Variants in SLC25A51 observed in about 807,000 individuals in gnomAD.
SLC25A51 encodes the protein solute carrier family 25 member 51, also known as mitochondrial nicotinamide adenine dinucleotide transporter SLC25A51.
In SLC25A51, 11 loss-of-function variants were observed where a neutral mutation model predicts 19.1. The observed-to-expected ratio is 0.58, with a 90% CI of 0.36 to 0.96. The LOEUF (loss-of-function observed/expected upper bound fraction) is 0.96. SLC25A51 is among the 40% of genes least tolerant of loss of function. SLC25A51 has a pLI of 0.01. For missense variants in SLC25A51, 201 were observed against 365.4 expected (o/e 0.55, Z 3.67); for synonymous variants, 105 against 133.6 (o/e 0.79, Z 1.47).
chr9:37,890,258 C>T (rs1831553317), intron 2 of SLC25A51, among the ~76,000 whole-genome samples: 1 of 152,066 alleles, frequency 6.6e-6, no homozygotes, highest in South Asian at 2.1e-4. Context: ...GTAGCACATG[C>T]CTGTAGCCCC....
At chr9:37,896,027 T>C (rs1358820459) in intron 2 of SLC25A51, among the ~76,000 whole-genome samples, 1 of 152,176 alleles carries the variant, frequency 6.6e-6, no homozygotes, top group Non-Finnish European at 1.5e-5. Context: ...TTGGCCAGGC[T>C]GGTCTCAAAC....
chr9:37,883,124 C>T (rs1486618069), downstream of SLC25A51, among the ~76,000 whole-genome samples: 1 of 152,226 alleles, frequency 6.6e-6, no homozygotes, highest in East Asian at 1.9e-4. Context: ...GGATTACAGG[C>T]GTGAGCCACC....
At chr9:37,882,850 ATT>A (rs796401584), downstream of SLC25A51, among the ~76,000 whole-genome samples, 1 of 148,872 alleles carries the variant, frequency 6.7e-6, no homozygotes, top group African/African-American at 2.5e-5. Context: ...TGCCTTTTCA[ATT>A]TTTTTTTTTG....
rs1173095636 is a variant in SLC25A51 at position 37,887,728 on chromosome 9, T to C, written c.823A>G (p.Asn275Asp). ...LINLFRGAHL[N>D]YHRSLISWGI... ...CAAGAGATGAGGGACCGATGGTAAT[T>C]CAGATGGGCACCTCTGAAAAGATTT... is the stretch of plus-strand genomic sequence containing the variant. The change falls in exon 3 of 3, where the codon AAT becomes GAT. Residue 275 changes from asparagine to aspartate, a missense_variant. By Grantham distance (23) the Asn-to-Asp change is conservative. Transcript: ENST00000242275. 1 of 1,613,902 alleles carries C rather than the reference T, an allele frequency of 6.2e-7. No individual in the cohort carries two copies. Among genetic ancestry groups the C allele is most frequent in the South Asian group, 1.1e-5 (1 of 91,070 alleles).
chr9:37,903,111 G>C (rs1831891420), intron 1 of SLC25A51, among the ~76,000 whole-genome samples: 1 of 152,160 alleles, frequency 6.6e-6, no homozygotes, highest in Non-Finnish European at 1.5e-5. Flanking sequence ...CCCCTGAGAT[G>C]CGCTAAGGGT....
At chr9:37,896,533 C>T (rs552873074) in intron 2 of SLC25A51, among the ~76,000 whole-genome samples, 32 of 152,274 alleles carry the variant, frequency 2.1e-4, no homozygotes, top group South Asian at 6.2e-4. Flanking sequence ...CAGTGGCTCA[C>T]GCCGGTAGTC....
intron 2 of SLC25A51, chr9:37,881,637 A>T (rs746659978): frequency 2.0e-5 from 3 of 150,558 alleles, no homozygotes; most frequent in African/African-American, 5.0e-5. Flanking sequence ...AAACCCTGTC[A>T]AACAAACAAA....
At chr9:37,877,733 C>A (rs1831279761), downstream of SLC25A51, among the ~76,000 whole-genome samples, 1 of 152,114 alleles carries the variant, frequency 6.6e-6, no homozygotes, top group African/African-American at 2.4e-5. Context: ...CAGGGCCAGG[C>A]ATGGTGGCTC....
chr9:37,892,534 T>C (rs79556406), intron 2 of SLC25A51, among the ~76,000 whole-genome samples: 1,692 of 151,958 alleles, frequency 0.011, 39 homozygotes, highest in African/African-American at 0.039. Context: ...ACATTATATA[T>C]ATACAATATA....
rs540809711 is a variant in SLC25A51, at chr9:37,893,783, G to T, written c.-42-5191C>A. Among the ~76,000 whole-genome samples, 6 of 152,190 alleles carry T rather than the reference G, an allele frequency of 3.9e-5. No individual in the cohort carries two copies. In the East Asian group the frequency reaches 1.2e-3, roughly 29 times the overall value. ...AAAATCATTTAAATAAAAATTCACA[G>T]AAGAAACGTGTATAACCTACATGAA... On this transcript the variant is annotated intron_variant, in intron 2 of 2. Coordinates refer to ENST00000242275, the MANE Select transcript of SLC25A51 (RefSeq NM_033412.4).
chr9:37,888,104 C>T lies in SLC25A51; in HGVS notation c.447G>A (p.Lys149=), dbSNP rs2296204. Residue 149 remains lysine, a synonymous_variant, in exon 3 of 3, where the codon AAG becomes AAA. Transcript: ENST00000242275. ...AAGTGTTGGTAAATTTGTCATGATG[C>T]TTGTGGTCTTGAAGCAATGTCTGAA... ...ERVQTLLQDH[K]HHDKFTNTYQ... is the part of the protein sequence containing the mutation. 272,726 of 1,613,842 alleles carry T rather than the reference C, an allele frequency of 0.17. 24,873 individuals carry two copies. Among genetic ancestry groups the T allele is most frequent in the East Asian group, 0.33 (14,858 of 44,872 alleles).
At chr9:37,900,456 A>T (rs1163557453) in intron 1 of SLC25A51, among the ~76,000 whole-genome samples, 7 of 151,904 alleles carry the variant, frequency 4.6e-5, no homozygotes, top group African/African-American at 1.7e-4. Context: ...CCAGAAAAAA[A>T]AAAAAAAATG....
chr9:37,880,145 T>C (rs1831322624), exon 4 of SLC25A51: 1 of 151,308 alleles, frequency 6.6e-6, no homozygotes, highest in South Asian at 2.1e-4. Flanking sequence ...AAACTGTCTC[T>C]ACTGAAAAAA....
chr9:37,882,132 A>T (rs1587151435), intron 2 of SLC25A51, among the ~76,000 whole-genome samples: 3 of 152,256 alleles, frequency 2.0e-5, no homozygotes, highest in Non-Finnish European at 4.4e-5. Context: ...CAGCATTAAA[A>T]ACTAAAAATC....
downstream of SLC25A51, chr9:37,886,231 G>A (rs1186459175): frequency 6.3e-7 from 1 of 1,596,884 alleles, no homozygotes; most frequent in African/African-American, 1.3e-5. Context: ...CTGTCTCATG[G>A]ACCTTCTCTG....
At chr9:37,893,370 G>A (rs1387737671) in intron 2 of SLC25A51, among the ~76,000 whole-genome samples, 1 of 152,194 alleles carries the variant, frequency 6.6e-6, no homozygotes, top group Non-Finnish European at 1.5e-5. Context: ...TAGAAAAGAT[G>A]AACTCTTTTT....
downstream of SLC25A51, chr9:37,886,155 C>G (rs1831451767): frequency 1.4e-6 from 2 of 1,444,368 alleles, no homozygotes; most frequent in Admixed American, 3.3e-5. Flanking sequence ...CAACTCCCTA[C>G]CCTGATCCTG....
At chr9:37,896,908 G>A (rs1231618117) in intron 2 of SLC25A51, among the ~76,000 whole-genome samples, 1 of 152,130 alleles carries the variant, frequency 6.6e-6, no homozygotes, top group Non-Finnish European at 1.5e-5. Context: ...CTATGTCAGG[G>A]GAGATAAGAC....
At chr9:37,880,344 T>C (rs1173450422) in exon 4 of SLC25A51, 2 of 151,146 alleles carry the variant, frequency 1.3e-5, no homozygotes, top group African/African-American at 2.4e-5. Flanking sequence ...ATATGAAGAA[T>C]AGATTGAAGG....
Sources: gnomAD v4.1 joint callset for allele counts (sites outside exome capture counted in the v4.1 genomes callset) on GRCh38, gnomAD v4.1.1 for gene constraint, MANE v1.5 for transcripts, NCBI Gene and HGNC (gene_info 2026-07-23, HGNC 2026-07-21) for gene names.